PEX14: variants seen among roughly 807,000 people sequenced by gnomAD.
PEX14 encodes peroxisomal membrane protein PEX14.
PEX14 carries 15 observed loss-of-function variants against 49.5 expected under a neutral mutation model. That is an observed-to-expected ratio of 0.30 (90% CI 0.20 to 0.47). PEX14 has a LOEUF of 0.47. PEX14 is among the 20% of genes least tolerant of loss of function. PEX14 has a pLI of 1.00. For missense variants in PEX14, 398 were observed against 494.8 expected, an observed-to-expected ratio of 0.80 and a Z score of 1.86; for synonymous variants, 210 against 212.7, an observed-to-expected ratio of 0.99 and a Z score of 0.11.
At chr1:10,493,750 G>C (rs998665248) in intron 1 of PEX14, among the ~76,000 whole-genome samples, 1 of 152,308 alleles carries the variant, frequency 6.6e-6, no homozygotes, top group Middle Eastern at 3.4e-3. Flanking sequence ...CAGACTTGAT[G>C]TAATGAGTTA....
chr1:10,562,286 C>T (rs1295583179), intron 3 of PEX14, among the ~76,000 whole-genome samples: 7 of 152,176 alleles, frequency 4.6e-5, no homozygotes, highest in Non-Finnish European at 7.3e-5. Flanking sequence ...AAGAAGATAA[C>T]TATACAATTC....
rs535743906 is a variant in PEX14, at chr1:10,599,258, G to A, written c.190G>A (p.Asp64Asn). ...CCCAGGGCTGACAGATGAAGAGATT[G>A]ATATGGCCTTCCAGCAGTCGGGCAC... ...KKKGLTDEEI[D>N]MAFQQSGTAA... Residue 64 changes from aspartate to asparagine, a missense_variant, in exon 4 of 9, where the codon GAT (aspartate) becomes AAT (asparagine). This residue lies in a region of PEX14 where 202 missense variants were observed against 298.5 expected (regional missense o/e 0.68). Coordinates refer to ENST00000356607, the MANE Select transcript of PEX14 (RefSeq NM_004565.3). The A allele has an allele frequency of 1.2e-6, 2 of 1,614,158 alleles. No individual in the cohort carries two copies. Among genetic ancestry groups the A allele is most frequent in the East Asian group, 4.5e-5 (2 of 44,886 alleles).
At chr1:10,511,487 A>G (rs1641882218) in intron 2 of PEX14, among the ~76,000 whole-genome samples, 2 of 152,170 alleles carry the variant, frequency 1.3e-5, no homozygotes, top group African/African-American at 4.8e-5. Flanking sequence ...GGGTTTAGAA[A>G]TGGAAATGAC....
chr1:10,582,637 T>A (rs141196447), intron 3 of PEX14, among the ~76,000 whole-genome samples: 4 of 152,160 alleles, frequency 2.6e-5, no homozygotes, highest in Admixed American at 6.5e-5. Context: ...GATGCCTGAC[T>A]CTCTCCAGAG....
chr1:10,475,011 A>G lies in PEX14; in HGVS notation c.36+9A>G, dbSNP rs1172385347. On this transcript the variant is annotated intron_variant, in intron 1 of 8. Coordinates refer to ENST00000356607, the MANE Select transcript of PEX14 (RefSeq NM_004565.3). The stretch of plus-strand genomic sequence containing the variant: ...CAGAGCAGCCGAGCCAGGTAAGGGG[A>G]GTGGGACTGCCCCGCTGTGCGGCGG... The G allele has an allele frequency of 1.9e-6, 3 of 1,608,340 alleles. No individual in the cohort carries two copies. Among genetic ancestry groups the G allele is most frequent in the South Asian group, 2.2e-5 (2 of 89,862 alleles).
intron 2 of PEX14, among the ~76,000 whole-genome samples, chr1:10,525,956 G>A (rs1638464316): frequency 7.7e-6 from 1 of 130,472 alleles, no homozygotes; most frequent in East Asian, 2.3e-4. Flanking sequence ...GAGTCTCATT[G>A]TGTCTTCCAG....
chr1:10,476,237 T>A (rs1022281916), intron 1 of PEX14, among the ~76,000 whole-genome samples: 1 of 152,208 alleles, frequency 6.6e-6, no homozygotes, highest in Admixed American at 6.5e-5. Context: ...TGTTCCCCCA[T>A]ACCAGTTTCT....
chr1:10,592,892 C>T (rs1463864908), intron 3 of PEX14, among the ~76,000 whole-genome samples: 2 of 152,194 alleles, frequency 1.3e-5, no homozygotes, highest in African/African-American at 2.4e-5. Context: ...TGTTGTTCCA[C>T]GGTTTCCACC....
At chr1:10,487,488 T>C (rs1482770861) in intron 1 of PEX14, among the ~76,000 whole-genome samples, 1 of 137,138 alleles carries the variant, frequency 7.3e-6, no homozygotes, top group Non-Finnish European at 1.6e-5. Flanking sequence ...TTTCTTTTTT[T>C]TTTTTTTTTT....
rs1641884386 is a variant in PEX14, at chr1:10,630,211, G to GCCCCAT, written c.*224_*225insCCCCAT. ...AGCCCCAGCCCCAGCCCCAGCCCCA[G>GCCCCAT]GCCCAGCTGCCTTTGGCTTTGATCT... On this transcript the variant is annotated 3_prime_UTR_variant, in exon 9 of 9. Transcript: ENST00000356607. This position sits in a 1 kb window ranked among gnomAD's most constrained non-coding sequence, Gnocchi z 4.1. 3 of 680,778 alleles carry GCCCCAT rather than the reference G, an allele frequency of 4.4e-6. No homozygotes were observed. In the East Asian group the frequency reaches 8.3e-5, roughly 19 times the overall value. The allele number at this position is 680,778 out of a possible 1,614,324, so 42.2% of individuals were successfully genotyped here. A position where few individuals can be genotyped will look rare whatever the true frequency, so the allele number is the denominator to read the frequency against.
At chr1:10,513,700 C>T (rs1005989029) in intron 2 of PEX14, among the ~76,000 whole-genome samples, 3 of 152,190 alleles carry the variant, frequency 2.0e-5, no homozygotes, top group African/African-American at 4.8e-5. Context: ...GCCAATTCTT[C>T]CATTTAGCTG....
intron 4 of PEX14, among the ~76,000 whole-genome samples, chr1:10,606,903 C>T (rs1204701884): frequency 6.6e-6 from 1 of 152,098 alleles, no homozygotes; most frequent in Non-Finnish European, 1.5e-5. Flanking sequence ...AAATAAAATA[C>T]ACCCATTTTA....
intron 1 of PEX14, among the ~76,000 whole-genome samples, chr1:10,477,973 C>T (rs1344704701): frequency 6.6e-6 from 1 of 152,154 alleles, no homozygotes; most frequent in Non-Finnish European, 1.5e-5. Context: ...ACTGCAACCT[C>T]CGCCTCCCAG....
chr1:10,539,022 T>G lies in PEX14; in HGVS notation c.169+2725T>G, dbSNP rs1638920839. ...AATTTTGTTTTTCTTTTAATATTAT[T>G]TAATATTTAATATAGAAATTGAGGT... On this transcript the variant is annotated intron_variant, in intron 3 of 8. Coordinates refer to ENST00000356607, the MANE Select transcript of PEX14 (RefSeq NM_004565.3). The surrounding 1 kb of genome is among the most constrained non-coding windows in gnomAD (Gnocchi z 4.6). Among the ~76,000 whole-genome samples, 1 of 152,178 alleles carries G rather than the reference T, an allele frequency of 6.6e-6. No individual in the cohort carries two copies. Among genetic ancestry groups the G allele is most frequent in the Non-Finnish European group, 1.5e-5 (1 of 68,030 alleles).
intron 3 of PEX14, among the ~76,000 whole-genome samples, chr1:10,540,187 C>T (rs1479042481): frequency 3.9e-5 from 6 of 152,206 alleles, no homozygotes; most frequent in Non-Finnish European, 1.5e-5. Flanking sequence ...CGCCTCCTTG[C>T]TGGAAATGAA....
chr1:10,611,923 C>T (rs576827357), intron 4 of PEX14, among the ~76,000 whole-genome samples: 1 of 152,300 alleles, frequency 6.6e-6, no homozygotes, highest in East Asian at 1.9e-4. Flanking sequence ...GATATTTTCT[C>T]CCAGCCTATG....
Position 10,495,550 on chromosome 1 carries a change from CA to C in PEX14, c.84+230del, listed in dbSNP as rs1641544705. 6.6e-6 allele frequency among the ~76,000 whole-genome samples: 1 copy of C among 152,260 alleles called. No individual in the cohort carries two copies. The highest frequency in any genetic ancestry group is 2.1e-4 in the South Asian group (1 of 4,824). Reference sequence around the variant, plus strand: ...TTTCTAGGACTAAAAGCATCCACCCCAGATGGTCCTGCACCACTTTGTTTGT... The same window carrying C: ...TTTCTAGGACTAAAAGCATCCACCCCGATGGTCCTGCACCACTTTGTTTGT... On this transcript the variant is annotated intron_variant, in intron 2 of 8. Coordinates refer to ENST00000356607, the MANE Select transcript of PEX14 (RefSeq NM_004565.3). The surrounding 1 kb of genome is among the most constrained non-coding windows in gnomAD (Gnocchi z 4.2).
chr1:10,603,643 T>TA (rs1306594381), intron 4 of PEX14, among the ~76,000 whole-genome samples: 1 of 152,164 alleles, frequency 6.6e-6, no homozygotes. Flanking sequence ...TGCATGTGTA[T>TA]AGGTGCAGGC....
chr1:10,475,151 G>A (rs1218286498), intron 1 of PEX14, 149 bp downstream of exon 1: 167 of 699,870 alleles, frequency 2.4e-4, no homozygotes, highest in Non-Finnish European at 3.4e-4. Context: ...CCCCTCCCCA[G>A]GTCCTCCCCA....
Sources: gnomAD v4.1 joint callset for allele counts (sites outside exome capture counted in the v4.1 genomes callset) on GRCh38, gnomAD v4.1.1 for gene constraint, gnomAD v4.1.1 regional missense constraint, Gnocchi (gnomAD v3.1) non-coding constraint, MANE v1.5 for transcripts, NCBI Gene and HGNC (gene_info 2026-07-23, HGNC 2026-07-21) for gene names.